CMIP: variants seen among roughly 807,000 people sequenced by gnomAD.
The protein encoded by CMIP is C-Maf-inducing protein.
Under a neutral mutation model 97.3 loss-of-function variants are expected in CMIP, and 13 were observed. The observed-to-expected ratio is 0.13, with a 90% CI of 0.09 to 0.21. CMIP has a LOEUF of 0.21. Among genes scored for constraint, CMIP ranks in the 10% least tolerant of loss-of-function variants. CMIP has a pLI of 1.00. For synonymous variants in CMIP, 538 were observed against 436.3 expected (o/e 1.23, Z -2.91); for missense variants, 847 against 1,024.9 (o/e 0.83, Z 2.37).
intron 1 of CMIP, among the ~76,000 whole-genome samples, chr16:81,485,640 G>A (rs773072507): frequency 1.3e-5 from 2 of 152,210 alleles, no homozygotes; most frequent in African/African-American, 2.4e-5. Context: ...TACGCAGCCC[G>A]TGGAAATAAC....
At chr16:81,669,209 ACACT>A (rs1304349832) in intron 7 of CMIP, among the ~76,000 whole-genome samples, 14 of 104,254 alleles carry the variant, frequency 1.3e-4, no homozygotes, top group African/African-American at 1.9e-4. Context: ...CCCATCTCTC[ACACT>A]CACCTTCCAC....
At position 81,566,008 on chromosome 16, in the gene CMIP, C is replaced by T. The variant is rs139184414; in HGVS notation, c.301-41559C>T. Among the ~76,000 whole-genome samples the T allele has an allele frequency of 1.0e-3, 158 of 152,266 alleles. 3 individuals carry two copies. The East Asian group carries it at 0.028, about 27-fold the overall frequency. ...GCCCGGAGACTCCAGGCGAGAAACT[C>T]GGGAGGCCGAGGCAAATAGTTGGTT... On this transcript the variant is annotated intron_variant, in intron 1 of 20. Transcript: ENST00000537098.
intron 10 of CMIP, among the ~76,000 whole-genome samples, chr16:81,687,979 GAGCGAACACAAGCAGTGCCCTTACTTCA>G (rs1905603819): frequency 6.6e-6 from 1 of 152,222 alleles, no homozygotes. Flanking sequence ...TAGATCCCAT[GAGCGAACACAAGCAGTGCCCTTACTTCA>G]AGCCCCGGTG....
intron 1 of CMIP, among the ~76,000 whole-genome samples, chr16:81,582,689 A>C (rs563606453): frequency 6.6e-6 from 1 of 152,284 alleles, no homozygotes; most frequent in Admixed American, 6.5e-5. Context: ...CATTCCCAGC[A>C]GGGCCTCGCT....
intron 2 of CMIP, among the ~76,000 whole-genome samples, chr16:81,611,186 G>T (rs1377753099): frequency 6.6e-6 from 1 of 152,230 alleles, no homozygotes; most frequent in Non-Finnish European, 1.5e-5. Context: ...ATGGCCAAAG[G>T]CTGCTGTGTT....
chr16:81,662,916 C>A (rs1438550995), intron 6 of CMIP, among the ~76,000 whole-genome samples: 1 of 152,156 alleles, frequency 6.6e-6, no homozygotes, highest in African/African-American at 2.4e-5. Context: ...CTATCATACC[C>A]AATTTCCAAG....
chr16:81,629,134 T>TAAAAAAA (rs10533097), intron 3 of CMIP, among the ~76,000 whole-genome samples: 11 of 45,684 alleles, frequency 2.4e-4, no homozygotes, highest in Admixed American at 3.8e-4. Flanking sequence ...AAACTGTGCT[T>TAAAAAAA]AAAAAAAAAA....
rs555227853 is a variant in CMIP, at chr16:81,447,606, A to G, written c.300+2065A>G. 1.4e-4 allele frequency among the ~76,000 whole-genome samples: 21 copies of G among 152,208 alleles called. 1 individual carries two copies. Among genetic ancestry groups the G allele is most frequent in the South Asian group, 6.2e-4 (3 of 4,834 alleles). ...TAGTACTGGGGACTGAGGCTTATCC[A>G]TGGAGCAAGATTCTCTTGGCAGAGC... On this transcript the variant is annotated intron_variant, in intron 1 of 20. Transcript: ENST00000537098.
intron 1 of CMIP, chr16:81,518,668 C>T (rs1183238962): frequency 1.3e-5 from 2 of 152,268 alleles, no homozygotes; most frequent in Non-Finnish European, 2.9e-5. Context: ...GATTAAGTAA[C>T]TGTCTACCTG....
intron 7 of CMIP, among the ~76,000 whole-genome samples, chr16:81,667,801 T>TGA (rs2092624939): frequency 1.4e-5 from 1 of 73,786 alleles, no homozygotes; most frequent in Non-Finnish European, 2.6e-5. Flanking sequence ...AGAGAGAGAG[T>TGA]GTGTGTGTGT....
At chr16:81,693,104 T>G in intron 11 of CMIP, 54 bp from the exon 12 acceptor site, 1 of 1,417,650 alleles carries the variant, frequency 7.1e-7, no homozygotes, top group South Asian at 1.2e-5. Flanking sequence ...GGGAACATTG[T>G]GCTGTTTCCG....
chr16:81,502,585 C>A (rs931888621), intron 1 of CMIP, among the ~76,000 whole-genome samples: 1 of 152,060 alleles, frequency 6.6e-6, no homozygotes, highest in African/African-American at 2.4e-5. Context: ...GATGGCTGGG[C>A]GAGGATGGGG....
intron 1 of CMIP, among the ~76,000 whole-genome samples, chr16:81,491,080 A>T (rs2089398050): frequency 6.6e-6 from 1 of 151,782 alleles, no homozygotes; most frequent in African/African-American, 2.4e-5. Context: ...GAGCTGAGAG[A>T]CTGGGGTAGG....
chr16:81,686,827 C>T (rs571177893), intron 10 of CMIP, among the ~76,000 whole-genome samples: 312 of 152,304 alleles, frequency 2.0e-3, no homozygotes, highest in African/African-American at 7.3e-3. Context: ...CAGTTAGACA[C>T]ACAGCACGCA....
intron 1 of CMIP, among the ~76,000 whole-genome samples, chr16:81,587,446 G>T (rs1039506384): frequency 2.0e-5 from 3 of 152,208 alleles, no homozygotes; most frequent in Non-Finnish European, 4.4e-5. Flanking sequence ...TGGGGGGCCG[G>T]TTTCACCTCT....
chr16:81,469,601 C>G (rs1458484049), intron 1 of CMIP, among the ~76,000 whole-genome samples: 1 of 152,154 alleles, frequency 6.6e-6, no homozygotes, highest in Non-Finnish European at 1.5e-5. Flanking sequence ...AGAGGGCTTC[C>G]CAGGGCAGGT....
intron 1 of CMIP, among the ~76,000 whole-genome samples, chr16:81,548,687 AAG>A (rs1487655141): frequency 6.6e-6 from 1 of 151,900 alleles, no homozygotes; most frequent in Non-Finnish European, 1.5e-5. Flanking sequence ...CAAAAAAAAA[AAG>A]AAAAAAAAAA....
At chr16:81,477,802 T>C (rs1473073252) in intron 1 of CMIP, among the ~76,000 whole-genome samples, 1 of 152,214 alleles carries the variant, frequency 6.6e-6, no homozygotes, top group Non-Finnish European at 1.5e-5. Flanking sequence ...CAAGAGAGGC[T>C]CAAGTTCCTG....
chr16:81,482,778 A>C (rs2966084), intron 1 of CMIP, among the ~76,000 whole-genome samples: 1 of 152,130 alleles, frequency 6.6e-6, no homozygotes, highest in Non-Finnish European at 1.5e-5. Flanking sequence ...TTTGAATCCA[A>C]ACTCCACCAC....
Sources: gnomAD v4.1 joint callset for allele counts (sites outside exome capture counted in the v4.1 genomes callset) on GRCh38, gnomAD v4.1.1 for gene constraint, MANE v1.5 for transcripts, NCBI Gene and HGNC (gene_info 2026-07-23, HGNC 2026-07-21) for gene names.